ESCO2: variants seen among roughly 807,000 people sequenced by gnomAD.
ESCO2 encodes the protein N-acetyltransferase ESCO2.
In ESCO2, 51 loss-of-function variants were observed where a neutral mutation model predicts 61.7. The ratio of observed to expected loss-of-function variants is 0.83; its 90% CI spans 0.66 to 1.04. The LOEUF is 1.04. ESCO2 is among the 50% of genes least tolerant of loss of function. ESCO2 has a pLI of 0.00. For synonymous variants in ESCO2, 230 were observed against 238.2 expected, an observed-to-expected ratio of 0.97 and a Z score of 0.32; for missense variants, 692 against 686.2, an observed-to-expected ratio of 1.01 and a Z score of -0.09.
chr8:27,806,045 C>T (rs1169593657), downstream of ESCO2, among the ~76,000 whole-genome samples: 1 of 152,182 alleles, frequency 6.6e-6, no homozygotes, highest in Non-Finnish European at 1.5e-5. Flanking sequence ...TCACCTTGTA[C>T]ATCCCCCCTT....
At chr8:27,775,366 G>GA in intron 1 of ESCO2, 133 bp from the exon 2 acceptor site, 1 of 770,056 alleles carries the variant, frequency 1.3e-6, no homozygotes, top group South Asian at 1.5e-5. Context: ...GGTGGAAGGA[G>GA]AGCAATGTCG....
chr8:27,787,982 A>AT lies in ESCO2; in HGVS notation c.1111_1112insT (p.Thr371IlefsTer32), dbSNP rs1554555716. On this transcript the variant is annotated frameshift_variant, in exon 6 of 11. Transcript: ENST00000305188. LOFTEE classifies it high-confidence loss of function. Reference sequence around the variant, plus strand: ...TAATACCAGAGATACAAGTAAAAAAACAAAAGACCAGCTCATCATCGTGAG... The same window carrying AT: ...TAATACCAGAGATACAAGTAAAAAAATCAAAAGACCAGCTCATCATCGTGAG... The AT allele has an allele frequency of 6.2e-7, 1 of 1,612,440 alleles. No individual in the cohort carries two copies. Among genetic ancestry groups the AT allele is most frequent in the Non-Finnish European group, 8.5e-7 (1 of 1,178,786 alleles).
At chr8:27,777,265 A>T in intron 3 of ESCO2, 96 bp downstream of exon 3, 6 of 1,065,894 alleles carry the variant, frequency 5.6e-6, no homozygotes, top group Non-Finnish European at 8.1e-6. Context: ...GACTGCTTTT[A>T]TAAAGCCAGA....
chr8:27,772,430 G>A, upstream of ESCO2: 1 of 1,386,200 alleles, frequency 7.2e-7, no homozygotes, highest in Admixed American at 2.0e-5. Flanking sequence ...TTAGAGCGAG[G>A]GTCAGGCGCA....
intron 9 of ESCO2, among the ~76,000 whole-genome samples, chr8:27,796,204 T>C (rs921680656): frequency 6.6e-5 from 10 of 152,020 alleles, no homozygotes; most frequent in Admixed American, 6.5e-4. Context: ...TTCTTATAGG[T>C]TACCTAATTT....
intron 5 of ESCO2, 52 bp from the exon 6 acceptor site, chr8:27,787,833 T>A (rs1805080475): frequency 7.1e-7 from 1 of 1,411,122 alleles, no homozygotes; most frequent in Admixed American, 1.7e-5. Flanking sequence ...TTTCTTTCCC[T>A]TGTAATTCCT....
At position 27,788,936 on chromosome 8, in the gene ESCO2, T is replaced by C; in HGVS notation, c.1221T>C (p.His407=). ...CCAACCCTGAAGATGAAATGCAGCA[T>C]GTACAGCATCACCACAGGTTTCTGG... ...TASNPEDEMQ[H]VQHHHRFLEG... is the part of the protein sequence containing the mutation. The change falls in exon 7 of 11, where the codon CAT becomes CAC. Residue 407 remains histidine, a synonymous_variant. Coordinates refer to ENST00000305188, the MANE Select transcript of ESCO2 (RefSeq NM_001017420.3). 6.2e-7 allele frequency: 1 copy of C among 1,614,136 alleles called. No individual in the cohort carries two copies. The highest frequency in any genetic ancestry group is 2.2e-5 in the East Asian group (1 of 44,872).
chr8:27,810,673 A>C (rs1000808695), downstream of ESCO2, among the ~76,000 whole-genome samples: 5 of 152,140 alleles, frequency 3.3e-5, no homozygotes, highest in African/African-American at 2.4e-5. Context: ...GATTTGCTTT[A>C]GTCTTGGATT....
chr8:27,817,077 A>G (rs1805832055), downstream of ESCO2, among the ~76,000 whole-genome samples: 2 of 152,172 alleles, frequency 1.3e-5, no homozygotes, highest in South Asian at 4.1e-4. Flanking sequence ...CCCTGAGCAT[A>G]TGCCTGGTGT....
chr8:27,789,774 T>A, intron 7 of ESCO2, among the ~76,000 whole-genome samples: 1 of 111,096 alleles, frequency 9.0e-6, no homozygotes, highest in South Asian at 2.7e-4. Flanking sequence ...AGAGCAAAAC[T>A]CCATCTCAAA....
rs552661510 is a variant in ESCO2 at position 27,776,701 on chromosome 8, C to T, written c.393C>T (p.Val131=). The T allele has an allele frequency of 1.2e-5, 20 of 1,613,784 alleles. No homozygotes were observed. In the African/African-American group the frequency reaches 1.9e-4, roughly 15 times the overall value. ...IVTEKMQGKP[V]CSKKNNKKPQ... ...CAGAAAAAATGCAAGGAAAACCAGTCTGCTCCAAGAAGAACAACAAAAAAC... is the reference window on the plus strand; with the variant it reads ...CAGAAAAAATGCAAGGAAAACCAGTTTGCTCCAAGAAGAACAACAAAAAAC... Residue 131 remains valine (V), a synonymous_variant, in exon 3 of 11, where the codon GTC becomes GTT. Transcript: ENST00000305188.
chr8:27,788,002 C>T lies in ESCO2; in HGVS notation c.1131C>T (p.Ile377=), dbSNP rs767848602. 12 of 1,602,220 alleles carry T rather than the reference C, an allele frequency of 7.5e-6. No homozygotes were observed. The Middle Eastern group carries it at 5.0e-4, about 66-fold the overall frequency. ...TSKKTKDQLI[I]DAGQKHFGAT... The stretch of plus-strand genomic sequence containing the variant: ...AAAAAACAAAAGACCAGCTCATCAT[C>T]GTGAGTAAATTCCAAACAAAGCTTC... The change falls in exon 6 of 11, where the codon ATC becomes ATT. Residue 377 remains isoleucine, a splice_region_variant and synonymous_variant. Coordinates refer to ENST00000305188, the MANE Select transcript of ESCO2 (RefSeq NM_001017420.3).
At chr8:27,785,872 A>G (rs1805029649) in intron 5 of ESCO2, among the ~76,000 whole-genome samples, 1 of 152,230 alleles carries the variant, frequency 6.6e-6, no homozygotes, top group African/African-American at 2.4e-5. Context: ...TTTAAAATTC[A>G]ATGAACATTT....
At chr8:27,811,571 AAAAGGG>A (rs1805685000), downstream of ESCO2, among the ~76,000 whole-genome samples, 1 of 146,956 alleles carries the variant, frequency 6.8e-6, no homozygotes, top group Admixed American at 6.6e-5. Context: ...TATGTCAAGG[AAAAGGG>A]AAAGGGACCA....
chr8:27,802,627 A>AAAC (rs1805462087), intron 10 of ESCO2, among the ~76,000 whole-genome samples: 1 of 62,632 alleles, frequency 1.6e-5, no homozygotes, highest in Non-Finnish European at 2.9e-5. Context: ...AAAAAAAAAA[A>AAAC]AAAATATATA....
rs1020528511 is a variant in ESCO2 at position 27,774,619 on chromosome 8, AG to A, written c.-17+13del. 6.6e-6 allele frequency: 1 copy of A among 152,206 alleles called. No homozygotes were observed. The highest frequency in any genetic ancestry group is 2.4e-5 in the African/African-American group (1 of 41,358). 9.4% of individuals were successfully genotyped at this position (152,206 alleles called of 1,614,324 possible). ...GCTCTGAGGCGCAGGTAACCTCTGG[AG>A]TAGGCCGAGGCGGGGGGCTGTGGAA... On this transcript the variant is annotated intron_variant, in intron 1 of 10. Transcript: ENST00000305188.
downstream of ESCO2, among the ~76,000 whole-genome samples, chr8:27,813,838 A>C (rs1440033578): frequency 6.6e-6 from 1 of 152,220 alleles, no homozygotes; most frequent in Non-Finnish European, 1.5e-5. Flanking sequence ...ATGTAGTATT[A>C]GACTGAATTG....
At chr8:27,816,604 C>T (rs1585424258), downstream of ESCO2, among the ~76,000 whole-genome samples, 1 of 151,828 alleles carries the variant, frequency 6.6e-6, no homozygotes, top group South Asian at 2.1e-4. Flanking sequence ...TCTCAATCTC[C>T]TGACCTCATG....
chr8:27,802,630 A>AAAAAT lies in ESCO2; in HGVS notation c.1674-675_1674-674insAAATA, dbSNP rs1554557661. On this transcript the variant is annotated intron_variant, in intron 10 of 10. Transcript: ENST00000305188. ...CTCAAAAAAAAAAAAAAAAAAAAAA[A>AAAAAT]ATATATATATATATATATATATATA... 1.8e-3 allele frequency among the ~76,000 whole-genome samples: 84 copies of AAAAAT among 45,822 alleles called. 1 individual carries two copies. Among genetic ancestry groups the AAAAAT allele is most frequent in the East Asian group, 6.4e-3 (6 of 944 alleles). The allele number at this position is 45,822 out of a possible 152,430, so 30.1% of individuals were successfully genotyped here. A position where few individuals can be genotyped will look rare whatever the true frequency, so the allele number is the denominator to read the frequency against.
Sources: allele counts gnomAD v4.1 joint callset (sites outside exome capture counted in the v4.1 genomes callset), GRCh38; gene constraint gnomAD v4.1.1; transcripts MANE v1.5; gene names NCBI Gene and HGNC (gene_info 2026-07-23, HGNC 2026-07-21).